EXOC6B: variants seen among roughly 807,000 people sequenced by gnomAD.
The protein encoded by EXOC6B is SEC15 homolog B.
A neutral mutation model predicts 113.5 loss-of-function variants in EXOC6B; 54 were observed. The observed-to-expected ratio is 0.48, with a 90% CI of 0.38 to 0.60. The LOEUF (loss-of-function observed/expected upper bound fraction) is 0.60. Ranked by LOEUF, EXOC6B falls within the 20% of genes least tolerant of loss-of-function variation. The pLI is 0.00. For synonymous variants in EXOC6B, 357 were observed against 339.0 expected, an observed-to-expected ratio of 1.05 and a Z score of -0.58; for missense variants, 797 against 977.5, an observed-to-expected ratio of 0.82 and a Z score of 2.46.
intron 6 of EXOC6B, among the ~76,000 whole-genome samples, chr2:72,675,387 A>T (rs1015985891): frequency 6.6e-6 from 1 of 152,260 alleles, no homozygotes; most frequent in African/African-American, 2.4e-5. Context: ...ATGACTGTGC[A>T]AACTGGATTA....
chr2:72,240,362 C>A (rs1254657181), intron 20 of EXOC6B, among the ~76,000 whole-genome samples: 1 of 152,064 alleles, frequency 6.6e-6, no homozygotes, highest in Non-Finnish European at 1.5e-5. Flanking sequence ...CAGAAAAATG[C>A]ACTTGAACTC....
At chr2:72,366,296 T>C (rs917879520) in intron 19 of EXOC6B, among the ~76,000 whole-genome samples, 1 of 149,830 alleles carries the variant, frequency 6.7e-6, no homozygotes, top group Non-Finnish European at 1.5e-5. Flanking sequence ...AAAAAACACC[T>C]CAAATGACAA....
rs1429290895 is a variant in EXOC6B, at chr2:72,818,285, C to T, written c.113+7513G>A. ...TCAGCCTCCCAAGTAGCTGGGACTA[C>T]AGGTGCCTGCCACCAGGCCCAGCTA... is the stretch of plus-strand genomic sequence containing the variant. On this transcript the variant is annotated intron_variant, in intron 1 of 21. Coordinates refer to ENST00000272427, the MANE Select transcript of EXOC6B (RefSeq NM_015189.3). 2.0e-5 allele frequency among the ~76,000 whole-genome samples: 3 copies of T among 151,528 alleles called. No individual in the cohort carries two copies. The East Asian group carries it at 5.8e-4, about 29-fold the overall frequency.
chr2:72,341,633 G>A (rs1689035676), intron 19 of EXOC6B, among the ~76,000 whole-genome samples: 4 of 152,098 alleles, frequency 2.6e-5, no homozygotes, highest in Admixed American at 1.3e-4. Flanking sequence ...GAGAAATACA[G>A]CAATACGATG....
At chr2:72,506,134 AT>A (rs1423913456) in intron 11 of EXOC6B, among the ~76,000 whole-genome samples, 1 of 152,072 alleles carries the variant, frequency 6.6e-6, no homozygotes, top group East Asian at 1.9e-4. Flanking sequence ...TATCAAGATC[AT>A]GTATGCATTA....
chr2:72,577,322 T>C (rs1324174357), intron 6 of EXOC6B, among the ~76,000 whole-genome samples: 2 of 152,052 alleles, frequency 1.3e-5, no homozygotes, highest in Non-Finnish European at 2.9e-5. Context: ...TAAGATGTTC[T>C]TCCCCACTTA....
Position 72,486,443 on chromosome 2 carries a change from A to G in EXOC6B, c.1666-5693T>C, listed in dbSNP as rs957844626. ...CTTTAATTCATGTACACTAGTCAAG[A>G]GTGGGCACTTGATGCTACCAAATAA... On this transcript the variant is annotated intron_variant, in intron 16 of 21. Transcript: ENST00000272427. 2.6e-5 allele frequency among the ~76,000 whole-genome samples: 4 copies of G among 152,256 alleles called. 1 individual carries two copies. Among genetic ancestry groups the G allele is most frequent in the African/African-American group, 9.6e-5 (4 of 41,568 alleles).
intron 6 of EXOC6B, among the ~76,000 whole-genome samples, chr2:72,706,848 G>T (rs971779148): frequency 1.3e-5 from 2 of 152,038 alleles, no homozygotes; most frequent in Non-Finnish European, 2.9e-5. Flanking sequence ...ACTATAACAC[G>T]ACTTCCAAGG....
intron 6 of EXOC6B, among the ~76,000 whole-genome samples, chr2:72,577,793 C>G (rs1287249716): frequency 6.6e-6 from 1 of 151,940 alleles, no homozygotes; most frequent in Admixed American, 6.6e-5. Context: ...CTGATTCTAT[C>G]CCTTCAGAGA....
rs1422127391 is a variant in EXOC6B, at chr2:72,480,734, A to G, written c.1682T>C (p.Ile561Thr). 6.2e-7 allele frequency: 1 copy of G among 1,600,730 alleles called. No homozygotes were observed. Among genetic ancestry groups the G allele is most frequent in the East Asian group, 2.2e-5 (1 of 44,708 alleles). ...GGATTTCTCCAAATGTGTTGTATTGATAATAATCTGAACAAGCTAGAAAAC... is the reference window on the plus strand; with the variant it reads ...GGATTTCTCCAAATGTGTTGTATTGGTAATAATCTGAACAAGCTAGAAAAC... ...IGLTELVQIIINTTHLEKSCK... is the reference protein window; with the variant it reads ...IGLTELVQIITNTTHLEKSCK... Residue 561 changes from isoleucine to threonine, a missense_variant, in exon 17 of 22, where the codon ATC becomes ACC. Ile to Thr is a moderately conservative substitution (Grantham distance 89, BLOSUM62 -1). Coordinates refer to ENST00000272427, the MANE Select transcript of EXOC6B (RefSeq NM_015189.3).
chr2:72,443,432 A>C (rs1255043682), intron 18 of EXOC6B, among the ~76,000 whole-genome samples: 2 of 152,170 alleles, frequency 1.3e-5, no homozygotes, highest in Admixed American at 6.5e-5. Context: ...GACAAAGCTG[A>C]CAAAAGCAAG....
chr2:72,559,615 A>G (rs1170847639), intron 7 of EXOC6B, 94 bp from the exon 8 acceptor site: 7 of 958,848 alleles, frequency 7.3e-6, no homozygotes, highest in Non-Finnish European at 1.1e-5. Flanking sequence ...TTCTTTTTAT[A>G]AAGGCCAGTT....
chr2:72,492,231 A>G, intron 16 of EXOC6B, 87 bp downstream of exon 16: 1 of 604,828 alleles, frequency 1.7e-6, no homozygotes, highest in Middle Eastern at 2.7e-4. Flanking sequence ...GCATGTAGAA[A>G]GTTTTAACGA....
intron 6 of EXOC6B, among the ~76,000 whole-genome samples, chr2:72,643,326 C>A (rs1239463682): frequency 6.8e-6 from 1 of 146,560 alleles, no homozygotes; most frequent in Admixed American, 6.9e-5. Flanking sequence ...ATGTTTATTG[C>A]GGCATTATTC....
intron 18 of EXOC6B, among the ~76,000 whole-genome samples, chr2:72,401,547 GTATATA>G (rs1199841154): frequency 6.8e-4 from 14 of 20,608 alleles, no homozygotes; most frequent in Admixed American, 5.9e-3. Context: ...ATATATATGT[GTATATA>G]TATATATATA....
At chr2:72,506,769 ATAATTGGT>A (rs1264432348) in intron 11 of EXOC6B, among the ~76,000 whole-genome samples, 4 of 152,124 alleles carry the variant, frequency 2.6e-5, no homozygotes, top group Non-Finnish European at 5.9e-5. Context: ...CCCATGTGAT[ATAATTGGT>A]TTTCTTCAAA....
At chr2:72,517,162 G>C (rs1297102233) in intron 8 of EXOC6B, among the ~76,000 whole-genome samples, 1 of 152,162 alleles carries the variant, frequency 6.6e-6, no homozygotes, top group South Asian at 2.1e-4. Context: ...AATTCTGCTG[G>C]TGTAGTGCAA....
rs138955179 is a variant in EXOC6B at position 72,432,061 on chromosome 2, A to C, written c.1980+33099T>G. Among the ~76,000 whole-genome samples the C allele has an allele frequency of 1.1e-4, 17 of 150,700 alleles. No individual in the cohort carries two copies. The East Asian group carries it at 3.1e-3, about 28-fold the overall frequency. On this transcript the variant is annotated intron_variant, in intron 18 of 21. Coordinates refer to ENST00000272427, the MANE Select transcript of EXOC6B (RefSeq NM_015189.3). Reference sequence around the variant, plus strand: ...TCTTTTTTCTTTTTTTTTCTGAGACAGTTTCAATCTTTTTTCCCAGGCTGG... The same window carrying C: ...TCTTTTTTCTTTTTTTTTCTGAGACCGTTTCAATCTTTTTTCCCAGGCTGG...
At chr2:72,625,271 ACC>A (rs1301604612) in intron 6 of EXOC6B, among the ~76,000 whole-genome samples, 2 of 151,232 alleles carry the variant, frequency 1.3e-5, no homozygotes, top group East Asian at 3.9e-4. Flanking sequence ...GTATATATAT[ACC>A]TAAAAATATA....
Sources: allele counts gnomAD v4.1 joint callset (sites outside exome capture counted in the v4.1 genomes callset), GRCh38; gene constraint gnomAD v4.1.1; transcripts MANE v1.5; gene names NCBI Gene and HGNC (gene_info 2026-07-23, HGNC 2026-07-21).